Variants in ZNF544 observed in about 807,000 individuals in gnomAD.
ZNF544 encodes zinc finger protein AF020591.
In ZNF544, 10 loss-of-function variants were observed where a neutral mutation model predicts 13.5. The ratio of observed to expected loss-of-function variants is 0.74; its 90% CI spans 0.46 to 1.25. The LOEUF (loss-of-function observed/expected upper bound fraction) is 1.25, where lower values mean the gene tolerates loss of function less well. Among genes scored for constraint, ZNF544 ranks in the 50% most tolerant of loss-of-function variants. The pLI, the probability that ZNF544 is intolerant of heterozygous loss-of-function variation, is 0.00. For missense variants in ZNF544, 896 were observed against 845.6 expected (o/e 1.06, Z -0.74); for synonymous variants, 323 against 300.5 (o/e 1.07, Z -0.77).
At chr19:58,237,949 A>C (rs1337921679) in intron 3 of ZNF544, among the ~76,000 whole-genome samples, 1 of 152,134 alleles carries the variant, frequency 6.6e-6, no homozygotes, top group Non-Finnish European at 1.5e-5. Flanking sequence ...GAGTGTCTGG[A>C]GATTTTTAAA....
At chr19:58,241,179 ATTTTT>A (rs57421577) in intron 3 of ZNF544, among the ~76,000 whole-genome samples, 13 of 72,752 alleles carry the variant, frequency 1.8e-4, no homozygotes, top group East Asian at 4.0e-4. Flanking sequence ...ATATATATAT[ATTTTT>A]TTTTTTTTGT....
intron 5 of ZNF544, 40 bp from the exon 6 acceptor site, chr19:58,246,671 T>C: frequency 6.2e-7 from 1 of 1,608,156 alleles, no homozygotes; most frequent in Non-Finnish European, 8.5e-7. Flanking sequence ...GTTCTTGGTG[T>C]CCAAGCAGAG....
downstream of ZNF544, among the ~76,000 whole-genome samples, chr19:58,266,212 CAAAAAAA>C (rs760851818): frequency 8.7e-5 from 4 of 46,206 alleles, no homozygotes; most frequent in Admixed American, 6.7e-4. Flanking sequence ...GACTCTGTCT[CAAAAAAA>C]AAAAAAAAAA....
At chr19:58,272,149 A>G (rs1190962351) in intron 5 of ZNF544, among the ~76,000 whole-genome samples, 1 of 143,992 alleles carries the variant, frequency 6.9e-6, no homozygotes, top group African/African-American at 2.6e-5. Flanking sequence ...CAACAGAGTG[A>G]GACTCCTTGA....
At chr19:58,248,518 C>T (rs929330749) in intron 6 of ZNF544, among the ~76,000 whole-genome samples, 1 of 152,118 alleles carries the variant, frequency 6.6e-6, no homozygotes, top group African/African-American at 2.4e-5. Flanking sequence ...CATGTATGAG[C>T]CACTGCACCT....
chr19:58,256,128 AAG>A (rs113947005), intron 6 of ZNF544, among the ~76,000 whole-genome samples: 1 of 152,154 alleles, frequency 6.6e-6, no homozygotes, highest in African/African-American at 2.4e-5. Context: ...GAAAGGGAAA[AAG>A]AGAGAGAGAA....
At chr19:58,241,148 TATATATATATTTAA>T (rs1224021974) in intron 3 of ZNF544, among the ~76,000 whole-genome samples, 2 of 120,128 alleles carry the variant, frequency 1.7e-5, no homozygotes, top group South Asian at 5.0e-4. Flanking sequence ...ATTTAAAATA[TATATATATATTTAA>T]ATATATATAT....
intron 6 of ZNF544, among the ~76,000 whole-genome samples, chr19:58,248,313 G>A (rs8112340): frequency 0.081 from 10,926 of 134,594 alleles, 913 homozygotes; most frequent in African/African-American, 0.22. Context: ...TGCAGTCATA[G>A]CTTAAGCCTT....
Position 58,276,234 on chromosome 19 carries a change from C to CTTT in ZNF544, c.245-88_245-86dup, listed in dbSNP as rs1284594122. 11 of 577,804 alleles carry CTTT rather than the reference C, an allele frequency of 1.9e-5. No homozygotes were observed. The African/African-American group carries it at 2.1e-4, about 11-fold the overall frequency. The allele number at this position is 577,804 out of a possible 1,614,324, so 35.8% of individuals were successfully genotyped here. A position where few individuals can be genotyped will look rare whatever the true frequency, so the allele number is the denominator to read the frequency against. On this transcript the variant is annotated intron_variant, in intron 5 of 6. Coordinates refer to the ZNF544 transcript ENST00000595981. ...CAGGTTTCCCCTAAAGAGAATAGAT[C>CTTT]TTTGCACACCTGCCCCTACCTCTCC...
chr19:58,241,164 T>TATATATATATTTAA (rs1555755567), intron 3 of ZNF544, among the ~76,000 whole-genome samples: 1 of 92,252 alleles, frequency 1.1e-5, no homozygotes, highest in Non-Finnish European at 2.0e-5. Flanking sequence ...TATATTTAAA[T>TATATATATATTTAA]ATATATATAT....
chr19:58,256,806 T>G (rs938896640), intron 6 of ZNF544, among the ~76,000 whole-genome samples: 3 of 152,162 alleles, frequency 2.0e-5, no homozygotes, highest in Non-Finnish European at 2.9e-5. Context: ...TCTTGTAAAT[T>G]AAGGGGTCAA....
intron 6 of ZNF544, chr19:58,257,776 T>C (rs916472333): frequency 5.3e-5 from 8 of 152,260 alleles, no homozygotes; most frequent in Non-Finnish European, 1.2e-4. Flanking sequence ...TTTTTCAGAA[T>C]GTCATAGTTG....
At chr19:58,273,142 T>C (rs749796996) in intron 5 of ZNF544, among the ~76,000 whole-genome samples, 3 of 149,768 alleles carry the variant, frequency 2.0e-5, no homozygotes, top group Admixed American at 6.7e-5. Flanking sequence ...GATCGCACCA[T>C]TGTACTCCAG....
Position 58,261,243 on chromosome 19 carries a change from T to C in ZNF544, c.637T>C (p.Cys213Arg). The stretch of plus-strand genomic sequence containing the variant: ...GAAAAATGGAGCAGATGGGAAGCAC[T>C]GTGAGAGTCATCAGTGTGCTAGAGC... The part of the protein sequence containing the change: ...HEKNGADGKH[C>R]ESHQCARAFC... Residue 213 changes from cysteine (C) to arginine (R), a missense_variant, in exon 7 of 7, where the codon TGT becomes CGT. Cys to Arg is a radical substitution (Grantham distance 180). Coordinates refer to ENST00000687789, the MANE Select transcript of ZNF544 (RefSeq NM_014480.4). 1 of 1,614,230 alleles carries C rather than the reference T, an allele frequency of 6.2e-7. No homozygotes were observed. The highest frequency in any genetic ancestry group is 2.2e-5 in the East Asian group (1 of 44,894).
chr19:58,249,455 T>C (rs2045941062), intron 6 of ZNF544, among the ~76,000 whole-genome samples: 1 of 152,176 alleles, frequency 6.6e-6, no homozygotes, highest in African/African-American at 2.4e-5. Context: ...TGATGGTCTC[T>C]AGGTGACAGG....
At chr19:58,264,770 G>A (rs575691722), downstream of ZNF544, among the ~76,000 whole-genome samples, 4 of 152,232 alleles carry the variant, frequency 2.6e-5, no homozygotes, top group East Asian at 7.7e-4. Context: ...TTGGGAGACC[G>A]AGCGGCCAGG....
At position 58,261,496 on chromosome 19, in the gene ZNF544, A is replaced by T. The variant is rs199919676; in HGVS notation, c.890A>T (p.Gln297Leu). 1 of 1,614,214 alleles carries T rather than the reference A, an allele frequency of 6.2e-7. No individual in the cohort carries two copies. The highest frequency in any genetic ancestry group is 1.7e-5 in the Admixed American group (1 of 60,024). Residue 297 changes from glutamine to leucine, a missense_variant, in exon 7 of 7, where the codon CAG becomes CTG. Transcript: ENST00000687789. Reference protein sequence around the residue: ...EQKPVHFGKSQYECDECRETC... With the variant: ...EQKPVHFGKSLYECDECRETC... ...AAGCCAGTGCATTTTGGGAAAAGTCAGTATGAGTGTGATGAGTGCAGGGAA... is the reference window on the plus strand; with the variant it reads ...AAGCCAGTGCATTTTGGGAAAAGTCTGTATGAGTGTGATGAGTGCAGGGAA...
intron 3 of ZNF544, among the ~76,000 whole-genome samples, chr19:58,232,764 CT>C (rs2041562399): frequency 1.1e-5 from 1 of 90,030 alleles, no homozygotes. Flanking sequence ...CCCGTCTCTA[CT>C]AAAAAAAAAA....
chr19:58,262,919 A>G lies in ZNF544; in HGVS notation c.*165A>G, dbSNP rs2049301224. On this transcript the variant is annotated 3_prime_UTR_variant, in exon 7 of 7. Coordinates refer to ENST00000687789, the MANE Select transcript of ZNF544 (RefSeq NM_014480.4). Reference sequence around the variant, plus strand: ...TCCTGGAGAAAAGCCCTACGAATGCATTGATTGTGGGAAAGCCTTCAATGA... The same window carrying G: ...TCCTGGAGAAAAGCCCTACGAATGCGTTGATTGTGGGAAAGCCTTCAATGA... 3 of 1,450,906 alleles carry G rather than the reference A, an allele frequency of 2.1e-6. No individual in the cohort carries two copies. Among genetic ancestry groups the G allele is most frequent in the Admixed American group, 2.7e-5 (1 of 37,098 alleles). 89.9% of individuals were successfully genotyped at this position (1,450,906 alleles called of 1,614,324 possible).
Sources: gnomAD v4.1 joint callset for allele counts (sites outside exome capture counted in the v4.1 genomes callset) on GRCh38, gnomAD v4.1.1 for gene constraint, MANE v1.5 for transcripts, NCBI Gene and HGNC (gene_info 2026-07-23, HGNC 2026-07-21) for gene names.